Variants in NALCN observed in about 807,000 individuals in gnomAD.
NALCN encodes the protein sodium leak channel NALCN.
A neutral mutation model predicts 225.3 loss-of-function variants in NALCN; 111 were observed. The observed-to-expected ratio is 0.49, with a 90% CI of 0.42 to 0.58. The LOEUF (loss-of-function observed/expected upper bound fraction) is 0.58, where lower values mean the gene tolerates loss of function less well. NALCN is among the 20% of genes least tolerant of loss of function. NALCN has a pLI of 0.00. For missense variants in NALCN, 1,378 were observed against 2,202.4 expected, an observed-to-expected ratio of 0.63 and a Z score of 7.49; for synonymous variants, 764 against 769.0, an observed-to-expected ratio of 0.99 and a Z score of 0.11.
chr13:101,342,701 T>C (rs78995947), intron 7 of NALCN, among the ~76,000 whole-genome samples: 3,084 of 152,314 alleles, frequency 0.02, 111 homozygotes, highest in African/African-American at 0.07. Context: ...TTCTTAAACA[T>C]GAAAATTTCA....
intron 27 of NALCN, among the ~76,000 whole-genome samples, chr13:101,099,380 C>T (rs1489974986): frequency 6.6e-6 from 1 of 151,732 alleles, no homozygotes; most frequent in Non-Finnish European, 1.5e-5. Context: ...AAAGATGTTA[C>T]CTGTATTTTG....
chr13:101,395,604 G>A (rs1299212188), intron 2 of NALCN, among the ~76,000 whole-genome samples: 3 of 152,148 alleles, frequency 2.0e-5, no homozygotes, highest in African/African-American at 7.2e-5. Flanking sequence ...ACAGAAAGGT[G>A]GAGGCATTTC....
At chr13:101,158,413 A>G (rs2038008274) in intron 15 of NALCN, among the ~76,000 whole-genome samples, 1 of 152,192 alleles carries the variant, frequency 6.6e-6, no homozygotes, top group South Asian at 2.1e-4. Flanking sequence ...AACATCTGTC[A>G]TGGGCACCGC....
chr13:101,158,393 ACCTT>A (rs2038007143), intron 15 of NALCN, among the ~76,000 whole-genome samples: 1 of 152,038 alleles, frequency 6.6e-6, no homozygotes, highest in African/African-American at 2.4e-5. Flanking sequence ...TGCCTCCCCA[ACCTT>A]CCTCTAACAT....
intron 6 of NALCN, among the ~76,000 whole-genome samples, chr13:101,364,164 G>C (rs938114760): frequency 6.6e-6 from 1 of 151,886 alleles, no homozygotes; most frequent in Non-Finnish European, 1.5e-5. Context: ...AAAACAGTAC[G>C]GACTGAAAAA....
At chr13:101,373,634 ACT>A (rs893974745) in intron 6 of NALCN, among the ~76,000 whole-genome samples, 1 of 151,930 alleles carries the variant, frequency 6.6e-6, no homozygotes, top group African/African-American at 2.4e-5. Flanking sequence ...CACTTTGAAA[ACT>A]CTACAGCTCA....
chr13:101,389,155 T>C (rs1041690716), intron 3 of NALCN, among the ~76,000 whole-genome samples: 15 of 152,188 alleles, frequency 9.9e-5, no homozygotes, highest in Admixed American at 5.2e-4. Flanking sequence ...ATACAGACAA[T>C]TTTGGAATCA....
At chr13:101,390,308 GA>G (rs1269987981) in intron 3 of NALCN, among the ~76,000 whole-genome samples, 10 of 151,890 alleles carry the variant, frequency 6.6e-5, no homozygotes, top group Admixed American at 1.3e-4. Flanking sequence ...AGGAAATGAT[GA>G]AAAAGAAATG....
At chr13:101,400,551 GT>G (rs1432988326) in intron 1 of NALCN, among the ~76,000 whole-genome samples, 3 of 111,340 alleles carry the variant, frequency 2.7e-5, no homozygotes, top group Non-Finnish European at 5.4e-5. Context: ...TGCAGTGTGT[GT>G]GTGTGTGTGT....
chr13:101,081,529 G>A lies in NALCN; in HGVS notation c.3883C>T (p.Leu1295=). 6.2e-7 allele frequency: 1 copy of A among 1,614,062 alleles called. No homozygotes were observed. The highest frequency in any genetic ancestry group is 8.5e-7 in the Non-Finnish European group (1 of 1,179,978). The change falls in exon 34 of 44, where the codon CTG becomes TTG. Residue 1295 remains leucine (L), a splice_region_variant and synonymous_variant. Transcript: ENST00000251127. ...VVWVVLHFAL[L]NAYTYMMGAC... Reference sequence around the variant, plus strand: ...ATCAACTTGACTTCTATGCTTACCAGGAGGGCAAAGTGAAGCACCACCCAT... The same window carrying A: ...ATCAACTTGACTTCTATGCTTACCAAGAGGGCAAAGTGAAGCACCACCCAT...
At chr13:101,335,506 A>G (rs1382960069) in intron 7 of NALCN, among the ~76,000 whole-genome samples, 2 of 152,162 alleles carry the variant, frequency 1.3e-5, no homozygotes, top group Admixed American at 1.3e-4. Context: ...TCCTCGACTC[A>G]ACAAAAATAT....
chr13:101,212,369 C>A (rs536606651), intron 13 of NALCN, among the ~76,000 whole-genome samples: 1 of 152,162 alleles, frequency 6.6e-6, no homozygotes, highest in Non-Finnish European at 1.5e-5. Context: ...TTTGCTATTA[C>A]TTTAGAACTG....
intron 37 of NALCN, among the ~76,000 whole-genome samples, 162 bp downstream of exon 37, chr13:101,073,422 C>T (rs2033033759): frequency 6.6e-6 from 1 of 152,146 alleles, no homozygotes; most frequent in African/African-American, 2.4e-5. Flanking sequence ...AATATTCACA[C>T]ATTGGAATGT....
intron 13 of NALCN, among the ~76,000 whole-genome samples, chr13:101,199,074 G>A (rs549872762): frequency 2.0e-3 from 303 of 151,862 alleles, no homozygotes; most frequent in African/African-American, 7.0e-3. Context: ...TCACTCATAG[G>A]TGGGAACTGA....
In NALCN at chr13:101,107,609, C is replaced by T. The variant is rs868262120; in HGVS notation, c.2457G>A (p.Arg819=). Reference sequence around the variant, plus strand: ...CTCTGAGTTCCTCTTCTTGCACTTTCCTTGAAGGAGAAATTCATGGGAGAA... The same window carrying T: ...CTCTGAGTTCCTCTTCTTGCACTTTTCTTGAAGGAGAAATTCATGGGAGAA... ...QEKKEQAEMK[R]KVQEEELREN... is the part of the protein sequence containing the mutation. Residue 819 remains arginine (R), a splice_region_variant and synonymous_variant, in exon 22 of 44, where the codon AGG becomes AGA. Coordinates refer to ENST00000251127, the MANE Select transcript of NALCN (RefSeq NM_052867.4). The T allele has an allele frequency of 6.2e-7, 1 of 1,614,044 alleles. No individual in the cohort carries two copies. The highest frequency in any genetic ancestry group is 8.5e-7 in the Non-Finnish European group (1 of 1,179,938).
intron 7 of NALCN, among the ~76,000 whole-genome samples, chr13:101,315,539 T>C (rs2044523568): frequency 6.6e-6 from 1 of 152,190 alleles, no homozygotes; most frequent in African/African-American, 2.4e-5. Flanking sequence ...AGTTTCTATG[T>C]AGAAATTAAG....
chr13:101,356,891 A>G (rs939465682), intron 6 of NALCN, among the ~76,000 whole-genome samples: 2 of 152,210 alleles, frequency 1.3e-5, no homozygotes, highest in African/African-American at 4.8e-5. Context: ...AGCATACACA[A>G]ATCAATAAAC....
intron 34 of NALCN, among the ~76,000 whole-genome samples, chr13:101,078,052 T>G (rs1434843078): frequency 6.6e-6 from 1 of 152,222 alleles, no homozygotes; most frequent in African/African-American, 2.4e-5. Flanking sequence ...CACATGGTTT[T>G]GGGCCTGTGG....
chr13:101,302,363 C>T (rs1007747518), intron 7 of NALCN, among the ~76,000 whole-genome samples: 2 of 151,876 alleles, frequency 1.3e-5, no homozygotes, highest in South Asian at 2.1e-4. Context: ...TAAATAATCT[C>T]GGAATAAAAA....
Sources: gnomAD v4.1 joint callset for allele counts (sites outside exome capture counted in the v4.1 genomes callset) on GRCh38, gnomAD v4.1.1 for gene constraint, MANE v1.5 for transcripts, NCBI Gene and HGNC (gene_info 2026-07-23, HGNC 2026-07-21) for gene names.